Variants in ZNF385D observed in about 807,000 individuals in gnomAD.
The protein encoded by ZNF385D is zinc finger protein 659.
In ZNF385D, 15 loss-of-function variants were observed where a neutral mutation model predicts 35.8. The ratio of observed to expected loss-of-function variants is 0.42; its 90% CI spans 0.28 to 0.64. The LOEUF (loss-of-function observed/expected upper bound fraction) is 0.64, where lower values mean the gene tolerates loss of function less well. Among genes scored for constraint, ZNF385D ranks in the 30% least tolerant of loss-of-function variants. The probability of loss-of-function intolerance (pLI) is 0.23; values close to 1 mark genes in which losing one functional copy is unlikely to be tolerated. For missense variants in ZNF385D, 474 were observed against 494.6 expected (o/e 0.96, Z 0.39); for synonymous variants, 212 against 186.8 (o/e 1.13, Z -1.10).
intron 3 of ZNF385D, among the ~76,000 whole-genome samples, chr3:22,128,257 T>A (rs758678893): frequency 6.6e-6 from 1 of 152,198 alleles, no homozygotes. Flanking sequence ...GCCAGATGCA[T>A]TGGAGCTCTT....
At position 21,971,663 on chromosome 3, in the gene ZNF385D, T is replaced by C. The variant is rs919730521; in HGVS notation, c.325+197154A>G. 1.2e-4 allele frequency among the ~76,000 whole-genome samples: 18 copies of C among 150,074 alleles called. 1 individual carries two copies. The highest frequency in any genetic ancestry group is 6.6e-4 in the Admixed American group (10 of 15,084). ...GACTAAACTCTCAAATCAAAAGACA[T>C]AGACTAGCTGAATGAATAAAAAAAA... On this transcript the variant is annotated intron_variant, in intron 3 of 5. Transcript: ENST00000494108.
intron 3 of ZNF385D, among the ~76,000 whole-genome samples, chr3:21,840,899 G>A (rs565079922): frequency 2.0e-5 from 3 of 152,124 alleles, no homozygotes; most frequent in East Asian, 1.9e-4. Context: ...GAAACCAAGA[G>A]TTGAATAAAT....
At chr3:22,261,343 T>C (rs530030110) in intron 2 of ZNF385D, among the ~76,000 whole-genome samples, 2 of 152,020 alleles carry the variant, frequency 1.3e-5, no homozygotes, top group Non-Finnish European at 2.9e-5. Context: ...ATTTAAGTTA[T>C]GGTTTTACAA....
chr3:21,870,744 C>T (rs1697646669), intron 3 of ZNF385D, among the ~76,000 whole-genome samples: 1 of 152,074 alleles, frequency 6.6e-6, no homozygotes, highest in Admixed American at 6.6e-5. Context: ...TGTATGTACA[C>T]CCCATTTCTG....
In ZNF385D at chr3:22,152,451, A is replaced by G. The variant is rs537374561; in HGVS notation, c.325+16366T>C. Among the ~76,000 whole-genome samples, 11 of 152,282 alleles carry G rather than the reference A, an allele frequency of 7.2e-5. No homozygotes were observed. The East Asian group carries it at 2.1e-3, about 30-fold the overall frequency. ...ACAGTTCTGAGGTCAGAAGTCTGAA[A>G]TGGATTCTATGGGGTGAAATCAAGG... is the stretch of plus-strand genomic sequence containing the variant. On this transcript the variant is annotated intron_variant, in intron 3 of 5. Transcript: ENST00000494108.
chr3:21,910,670 T>C lies in ZNF385D; in HGVS notation c.326-245642A>G, dbSNP rs546690932. Among the ~76,000 whole-genome samples, 3 of 151,858 alleles carry C rather than the reference T, an allele frequency of 2.0e-5. No homozygotes were observed. In the East Asian group the frequency reaches 5.8e-4, roughly 29 times the overall value. On this transcript the variant is annotated intron_variant, in intron 3 of 5. Transcript: ENST00000494108. ...TGTGTGAATGAACAGACATGATTGA[T>C]AGGTCAAAATATGAACGTAGAAAAG...
intron 1 of ZNF385D, among the ~76,000 whole-genome samples, chr3:21,727,141 C>G (rs2068798732): frequency 6.6e-6 from 1 of 152,042 alleles, no homozygotes; most frequent in Non-Finnish European, 1.5e-5. Context: ...GAAACTGGAC[C>G]CCTTTCTTAC....
At chr3:21,864,453 G>A (rs1684501) in intron 3 of ZNF385D, among the ~76,000 whole-genome samples, 63,243 of 151,772 alleles carry the variant, frequency 0.42, 13,404 homozygotes, top group Non-Finnish European at 0.43. Flanking sequence ...CAGTGTAACT[G>A]GAAAAGTTCC....
intron 3 of ZNF385D, among the ~76,000 whole-genome samples, chr3:21,929,554 T>C (rs1700901782): frequency 6.6e-6 from 1 of 151,994 alleles, no homozygotes; most frequent in Non-Finnish European, 1.5e-5. Context: ...ATGTAGAACA[T>C]TCTAAAGAAC....
intron 3 of ZNF385D, among the ~76,000 whole-genome samples, chr3:22,069,015 C>CA (rs1700103226): frequency 6.6e-6 from 1 of 152,186 alleles, no homozygotes; most frequent in Non-Finnish European, 1.5e-5. Context: ...TTTTCATGCT[C>CA]AGTGTTTTAC....
intron 3 of ZNF385D, among the ~76,000 whole-genome samples, chr3:21,916,213 T>C (rs758739313): frequency 3.9e-5 from 6 of 152,142 alleles, no homozygotes; most frequent in Admixed American, 6.5e-5. Context: ...ATAATTAAAA[T>C]AAAGAGAAAA....
chr3:21,884,096 A>G (rs1698415542), intron 3 of ZNF385D, among the ~76,000 whole-genome samples: 1 of 152,070 alleles, frequency 6.6e-6, no homozygotes, highest in African/African-American at 2.4e-5. Flanking sequence ...GACATAGGAT[A>G]AGACATATCT....
At chr3:21,873,501 G>C (rs1697802337) in intron 3 of ZNF385D, among the ~76,000 whole-genome samples, 1 of 151,974 alleles carries the variant, frequency 6.6e-6, no homozygotes, top group Non-Finnish European at 1.5e-5. Context: ...CACATAACTT[G>C]ATATCCACCT....
chr3:21,695,415 C>T (rs1031057663), intron 1 of ZNF385D, among the ~76,000 whole-genome samples: 1 of 152,136 alleles, frequency 6.6e-6, no homozygotes. Context: ...GTGTCATCAG[C>T]AAGATGCTAC....
At chr3:22,322,653 C>G (rs17011206) in intron 2 of ZNF385D, among the ~76,000 whole-genome samples, 9,741 of 152,250 alleles carry the variant, frequency 0.064, 909 homozygotes, top group African/African-American at 0.21. Flanking sequence ...GTTCTATTAT[C>G]TCTCACTGAA....
intron 3 of ZNF385D, among the ~76,000 whole-genome samples, chr3:22,083,508 G>A (rs763844893): frequency 6.6e-6 from 1 of 151,782 alleles, no homozygotes; most frequent in South Asian, 2.1e-4. Context: ...ATTAATAAAT[G>A]AAGTGAGAAG....
intron 2 of ZNF385D, among the ~76,000 whole-genome samples, chr3:22,172,095 G>A (rs993781131): frequency 6.6e-6 from 1 of 152,064 alleles, no homozygotes; most frequent in Non-Finnish European, 1.5e-5. Flanking sequence ...GACTGTCTTG[G>A]AACCCAAAAT....
chr3:21,857,756 C>T lies in ZNF385D; in HGVS notation c.326-192728G>A, dbSNP rs77360739. Among the ~76,000 whole-genome samples, 12 of 151,808 alleles carry T rather than the reference C, an allele frequency of 7.9e-5. No homozygotes were observed. In the East Asian group the frequency reaches 1.2e-3, roughly 15 times the overall value. On this transcript the variant is annotated intron_variant, in intron 3 of 5. Transcript: ENST00000494108. ...GATGCTGTTAATTGACCAAACACAA[C>T]GGGAAGCAGAGGTCAATGGAACACA...
intron 2 of ZNF385D, among the ~76,000 whole-genome samples, chr3:21,644,275 T>G (rs2125864140): frequency 6.6e-6 from 1 of 152,226 alleles, no homozygotes; most frequent in African/African-American, 2.4e-5. Context: ...TTAAGAAAGA[T>G]TAATGAAAGC....
Sources: gnomAD v4.1 joint callset for allele counts (sites outside exome capture counted in the v4.1 genomes callset) on GRCh38, gnomAD v4.1.1 for gene constraint, MANE v1.5 for transcripts, NCBI Gene and HGNC (gene_info 2026-07-23, HGNC 2026-07-21) for gene names.